NUBPL: variants seen among roughly 807,000 people sequenced by gnomAD.
NUBPL encodes iron-sulfur cluster transfer protein NUBPL.
In NUBPL, 31 loss-of-function variants were observed where a neutral mutation model predicts 45.7. The observed-to-expected ratio is 0.68, with a 90% CI of 0.51 to 0.92. The LOEUF (loss-of-function observed/expected upper bound fraction) is 0.92, where lower values mean the gene tolerates loss of function less well. Ranked by LOEUF, NUBPL falls within the 40% of genes least tolerant of loss-of-function variation. The pLI, the probability that NUBPL is intolerant of heterozygous loss-of-function variation, is 0.00. For synonymous variants in NUBPL, 144 were observed against 140.9 expected, an observed-to-expected ratio of 1.02 and a Z score of -0.15; for missense variants, 401 against 398.7, an observed-to-expected ratio of 1.01 and a Z score of -0.05.
intron 3 of NUBPL, among the ~76,000 whole-genome samples, chr14:31,596,667 T>C (rs1023054676): frequency 6.6e-6 from 1 of 152,252 alleles, no homozygotes; most frequent in Non-Finnish European, 1.5e-5. Flanking sequence ...TCTAAGTTTT[T>C]GGAGTTAGAT....
chr14:31,766,605 C>T (rs576878094), intron 6 of NUBPL, among the ~76,000 whole-genome samples: 10 of 152,154 alleles, frequency 6.6e-5, no homozygotes, highest in Admixed American at 2.0e-4. Flanking sequence ...TGCTGTCGGC[C>T]ACCTCCAAAA....
At chr14:31,784,901 T>C (rs2039257676) in intron 6 of NUBPL, among the ~76,000 whole-genome samples, 1 of 152,190 alleles carries the variant, frequency 6.6e-6, no homozygotes, top group Admixed American at 6.5e-5. Flanking sequence ...GGAATGCTAT[T>C]TTATAAAGGC....
At chr14:31,813,444 C>T (rs1177682880) in intron 7 of NUBPL, among the ~76,000 whole-genome samples, 1 of 143,394 alleles carries the variant, frequency 7.0e-6, no homozygotes, top group Non-Finnish European at 1.5e-5. Flanking sequence ...GCTATACACA[C>T]ACACACACAC....
At chr14:31,798,761 C>T (rs2039520648) in intron 7 of NUBPL, among the ~76,000 whole-genome samples, 1 of 122,324 alleles carries the variant, frequency 8.2e-6, no homozygotes, top group African/African-American at 3.3e-5. Context: ...CACTGCACTC[C>T]AGCCTGGGTG....
At chr14:31,799,107 T>A (rs1017243538) in intron 7 of NUBPL, among the ~76,000 whole-genome samples, 3 of 152,182 alleles carry the variant, frequency 2.0e-5, no homozygotes, top group South Asian at 4.1e-4. Flanking sequence ...TAAAATCAGA[T>A]GTTTTATACT....
chr14:31,848,446 G>A (rs2040487268), intron 9 of NUBPL, among the ~76,000 whole-genome samples: 1 of 152,146 alleles, frequency 6.6e-6, no homozygotes. Flanking sequence ...AATTCAGTGG[G>A]TCGTGTTTTA....
At chr14:31,602,959 A>G (rs369319848) in intron 4 of NUBPL, among the ~76,000 whole-genome samples, 1 of 152,148 alleles carries the variant, frequency 6.6e-6, no homozygotes, top group Non-Finnish European at 1.5e-5. Context: ...TGCTGTTGTT[A>G]TTGCATTTAA....
chr14:31,835,078 G>C (rs4496033), intron 8 of NUBPL, among the ~76,000 whole-genome samples: 1 of 152,178 alleles, frequency 6.6e-6, no homozygotes, highest in Non-Finnish European at 1.5e-5. Flanking sequence ...AGGAGCCATA[G>C]GTTCTGTTGA....
At chr14:31,743,630 C>A (rs765270410) in intron 6 of NUBPL, among the ~76,000 whole-genome samples, 7 of 152,126 alleles carry the variant, frequency 4.6e-5, no homozygotes, top group African/African-American at 1.2e-4. Context: ...TCTGCCCTCA[C>A]TGGCCTCCGA....
intron 4 of NUBPL, among the ~76,000 whole-genome samples, chr14:31,611,312 A>T (rs1355330770): frequency 6.6e-6 from 1 of 152,188 alleles, no homozygotes; most frequent in East Asian, 1.9e-4. Context: ...AGAAAAACAT[A>T]ATCCCGTTTA....
intron 6 of NUBPL, among the ~76,000 whole-genome samples, chr14:31,750,370 T>A (rs1009177794): frequency 1.5e-4 from 22 of 149,492 alleles, no homozygotes; most frequent in East Asian, 3.9e-4. Flanking sequence ...ATTTTTATTT[T>A]TTTTATTTTT....
chr14:31,748,409 C>T (rs965381731), intron 6 of NUBPL, among the ~76,000 whole-genome samples: 1 of 152,096 alleles, frequency 6.6e-6, no homozygotes, highest in African/African-American at 2.4e-5. Flanking sequence ...TTGAAATCCT[C>T]AACTGTTATT....
intron 7 of NUBPL, among the ~76,000 whole-genome samples, chr14:31,808,380 T>A (rs1055887068): frequency 1.3e-4 from 20 of 152,190 alleles, no homozygotes; most frequent in Non-Finnish European, 7.3e-5. Context: ...ATTCTCTTTG[T>A]AGCAATTGTG....
chr14:31,629,372 AG>A (rs1421780179), intron 4 of NUBPL, among the ~76,000 whole-genome samples: 1 of 152,208 alleles, frequency 6.6e-6, no homozygotes, highest in Non-Finnish European at 1.5e-5. Flanking sequence ...TTGTAAAAAA[AG>A]TTCTGGAGAG....
At chr14:31,679,503 A>G (rs1158619669) in intron 6 of NUBPL, among the ~76,000 whole-genome samples, 1 of 152,154 alleles carries the variant, frequency 6.6e-6, no homozygotes, top group Non-Finnish European at 1.5e-5. Flanking sequence ...TTATGTTAGC[A>G]TCATTTGTTT....
intron 7 of NUBPL, among the ~76,000 whole-genome samples, chr14:31,813,354 C>T (rs761353359): frequency 4.6e-5 from 7 of 151,940 alleles, no homozygotes; most frequent in Non-Finnish European, 7.4e-5. Context: ...CTGTTCACTC[C>T]ATTATACTGA....
At position 31,787,870 on chromosome 14, in the gene NUBPL, A is replaced by G; in HGVS notation, c.604A>G (p.Thr202Ala). 6.2e-7 allele frequency: 1 copy of G among 1,600,874 alleles called. No homozygotes were observed. Among genetic ancestry groups the G allele is most frequent in the East Asian group, 2.2e-5 (1 of 44,758 alleles). ...QLSVSQNIPI[T>A]GAVIVSTPQD... Reference sequence around the variant, plus strand: ...ATCAGTCTCACAGAATATTCCTATAACAGGTAAATCTTCAAAGTTTAAAGT... The same window carrying G: ...ATCAGTCTCACAGAATATTCCTATAGCAGGTAAATCTTCAAAGTTTAAAGT... Residue 202 changes from threonine (T) to alanine (A), a missense_variant, in exon 7 of 11, where the codon ACA becomes GCA. Thr to Ala is a moderately conservative substitution (Grantham distance 58). Coordinates refer to ENST00000281081, the MANE Select transcript of NUBPL (RefSeq NM_025152.3).
intron 6 of NUBPL, among the ~76,000 whole-genome samples, chr14:31,780,638 C>T (rs892362200): frequency 1.2e-4 from 18 of 152,240 alleles, no homozygotes; most frequent in African/African-American, 3.9e-4. Context: ...TACTTAACTT[C>T]AAGTAGTTTT....
chr14:31,714,380 G>A (rs753086139), intron 6 of NUBPL, among the ~76,000 whole-genome samples: 1 of 152,168 alleles, frequency 6.6e-6, no homozygotes, highest in Non-Finnish European at 1.5e-5. Flanking sequence ...CTGAAACTGG[G>A]TAATTTCTTA....
Sources: gnomAD v4.1 joint callset for allele counts (sites outside exome capture counted in the v4.1 genomes callset) on GRCh38, gnomAD v4.1.1 for gene constraint, MANE v1.5 for transcripts, NCBI Gene and HGNC (gene_info 2026-07-23, HGNC 2026-07-21) for gene names.